SNX8: variants seen among roughly 807,000 people sequenced by gnomAD.
SNX8 encodes sorting nexin 8.
A neutral mutation model predicts 51.6 loss-of-function variants in SNX8; 25 were observed. The ratio of observed to expected loss-of-function variants is 0.48; its 90% confidence interval spans 0.35 to 0.68. SNX8 has a LOEUF of 0.68. Ranked by LOEUF, SNX8 falls within the 30% of genes least tolerant of loss-of-function variation. The pLI is 0.00. For missense variants in SNX8, 695 were observed against 624.0 expected (o/e 1.11, Z -1.21); for synonymous variants, 324 against 277.0 (o/e 1.17, Z -1.68).
At chr7:2,284,553 C>T (rs144938967) in intron 1 of SNX8, among the ~76,000 whole-genome samples, 197 of 151,916 alleles carry the variant, frequency 1.3e-3, no homozygotes, top group African/African-American at 4.3e-3. Context: ...TACAGGTGCA[C>T]ACCACCATGC....
Position 2,255,202 on chromosome 7 carries a change from G to A in SNX8, c.1285-33C>T, listed in dbSNP as rs370738423. On this transcript the variant is annotated intron_variant, in intron 10 of 10. Transcript: ENST00000222990. The stretch of plus-strand genomic sequence containing the variant: ...GGAAGCGAAGAGAACAAGATCAGCA[G>A]GCGGGGCCGGGGCTCCTCCTCACGC... 1.6e-5 allele frequency: 22 copies of A among 1,353,178 alleles called. No individual in the cohort carries two copies. The South Asian group carries it at 2.0e-4, about 12-fold the overall frequency. 83.8% of individuals were successfully genotyped at this position (1,353,178 alleles called of 1,614,324 possible).
intron 5 of SNX8, among the ~76,000 whole-genome samples, chr7:2,266,538 G>A (rs1771379226): frequency 6.6e-6 from 1 of 151,992 alleles, no homozygotes; most frequent in Non-Finnish European, 1.5e-5. Flanking sequence ...GTAGAGGCGG[G>A]GTTTCACCAT....
chr7:2,312,085 C>A (rs1796669836), intron 1 of SNX8, among the ~76,000 whole-genome samples: 1 of 152,150 alleles, frequency 6.6e-6, no homozygotes, highest in Non-Finnish European at 1.5e-5. Flanking sequence ...CTGTGAAGCA[C>A]TGCCTTGTCC....
intron 1 of SNX8, among the ~76,000 whole-genome samples, chr7:2,328,984 G>T (rs1056975277): frequency 1.3e-5 from 2 of 152,056 alleles, no homozygotes; most frequent in Non-Finnish European, 2.9e-5. Context: ...TATTCGGGAG[G>T]CTGAGGCAGG....
At chr7:2,273,683 C>T (rs1456389863) in intron 3 of SNX8, among the ~76,000 whole-genome samples, 5 of 151,438 alleles carry the variant, frequency 3.3e-5, no homozygotes, top group Non-Finnish European at 5.9e-5. Flanking sequence ...GTGCGCGGAT[C>T]ACGAGGTCAG....
intron 1 of SNX8, among the ~76,000 whole-genome samples, chr7:2,341,551 A>C (rs766988169): frequency 6.6e-6 from 1 of 152,086 alleles, no homozygotes; most frequent in Non-Finnish European, 1.5e-5. Context: ...TTACACCCAC[A>C]GTCCTAGCAC....
intron 9 of SNX8, 33 bp from the exon 10 acceptor site, chr7:2,257,056 C>A: frequency 6.4e-7 from 1 of 1,571,990 alleles, no homozygotes; most frequent in Non-Finnish European, 8.6e-7. Context: ...TCGCACCCGG[C>A]CCAGCCGGCG....
intron 1 of SNX8, among the ~76,000 whole-genome samples, chr7:2,312,937 G>A (rs772579343): frequency 4.0e-5 from 6 of 151,886 alleles, no homozygotes; most frequent in African/African-American, 1.2e-4. Flanking sequence ...TCGCTCTGTC[G>A]CCCAGGCTGG....
intron 7 of SNX8, among the ~76,000 whole-genome samples, chr7:2,258,354 G>A (rs1021770938): frequency 6.6e-6 from 1 of 152,100 alleles, no homozygotes; most frequent in Non-Finnish European, 1.5e-5. Flanking sequence ...CTGCGTTCCC[G>A]CGGGACAGCT....
intron 1 of SNX8, among the ~76,000 whole-genome samples, chr7:2,304,900 G>A (rs574770939): frequency 1.4e-4 from 21 of 152,214 alleles, no homozygotes; most frequent in Non-Finnish European, 2.5e-4. Flanking sequence ...CAGGAGCTGG[G>A]AGGTGAAATT....
In SNX8 at chr7:2,261,187, C is replaced by G. The variant is rs184881400; in HGVS notation, c.915+2043G>C. ...GAGGCTCGTGCCTGTAATCCCAGCA[C>G]TTTGGGAGGCCGAGGCTGGCGGATC... is the stretch of plus-strand genomic sequence containing the variant. On this transcript the variant is annotated intron_variant, in intron 7 of 10. Coordinates refer to ENST00000222990, the MANE Select transcript of SNX8 (RefSeq NM_013321.4). Among the ~76,000 whole-genome samples the G allele has an allele frequency of 1.3e-3, 194 of 152,362 alleles. 2 individuals are homozygous for G. The highest frequency in any genetic ancestry group is 4.5e-3 in the African/African-American group (188 of 41,574).
chr7:2,345,016 T>G (rs1449006870), intron 1 of SNX8, among the ~76,000 whole-genome samples: 1 of 152,118 alleles, frequency 6.6e-6, no homozygotes, highest in Non-Finnish European at 1.5e-5. Context: ...GGAGGGAGTG[T>G]AAATTGGTAC....
chr7:2,346,803 A>G (rs1420124402), intron 1 of SNX8, among the ~76,000 whole-genome samples: 1 of 148,436 alleles, frequency 6.7e-6, no homozygotes, highest in East Asian at 2.0e-4. Context: ...ACCTGTAGCC[A>G]CAAGTACTCA....
chr7:2,267,045 C>T (rs1054623376), intron 5 of SNX8, among the ~76,000 whole-genome samples: 2 of 152,230 alleles, frequency 1.3e-5, no homozygotes, highest in Non-Finnish European at 2.9e-5. Flanking sequence ...AGAGCTCAGC[C>T]GCAACCCGGC....
At chr7:2,329,144 A>G (rs1157614471) in intron 1 of SNX8, among the ~76,000 whole-genome samples, 1 of 145,480 alleles carries the variant, frequency 6.9e-6, no homozygotes, top group East Asian at 2.0e-4. Flanking sequence ...GGTGGCAGGC[A>G]CCTGTAATCT....
chr7:2,278,265 C>T lies in SNX8; in HGVS notation c.135G>A (p.Val45=). ...TPQAIEPQAI[V]QQVPAPSRMQ... ...TTCGACTGGGGGCTGGGACCTGCTGCACGATGGCCTGGGGCTCGATGGCCT... is the reference window on the plus strand; with the variant it reads ...TTCGACTGGGGGCTGGGACCTGCTGTACGATGGCCTGGGGCTCGATGGCCT... Residue 45 remains valine, a synonymous_variant, in exon 2 of 11, where the codon GTG becomes GTA. Coordinates refer to ENST00000222990, the MANE Select transcript of SNX8 (RefSeq NM_013321.4). The T allele has an allele frequency of 6.2e-7, 1 of 1,602,330 alleles. No homozygotes were observed. Among genetic ancestry groups the T allele is most frequent in the Non-Finnish European group, 8.5e-7 (1 of 1,171,546 alleles).
At chr7:2,353,560 G>A (rs965698465) in intron 1 of SNX8, among the ~76,000 whole-genome samples, 2 of 152,050 alleles carry the variant, frequency 1.3e-5, no homozygotes, top group South Asian at 4.1e-4. Context: ...GGGAAGAGAG[G>A]TGTGAGCCAC....
intron 1 of SNX8, among the ~76,000 whole-genome samples, chr7:2,338,896 G>C (rs180976151): frequency 1.3e-5 from 2 of 152,044 alleles, no homozygotes; most frequent in East Asian, 3.9e-4. Flanking sequence ...GGGCAACATA[G>C]CAAGACCTTG....
At chr7:2,306,086 A>T (rs1414872111) in intron 1 of SNX8, among the ~76,000 whole-genome samples, 1 of 152,112 alleles carries the variant, frequency 6.6e-6, no homozygotes, top group African/African-American at 2.4e-5. Context: ...AGGGTCTCCC[A>T]AAGCATTGGG....
Sources: allele counts gnomAD v4.1 joint callset (sites outside exome capture counted in the v4.1 genomes callset), GRCh38; gene constraint gnomAD v4.1.1; transcripts MANE v1.5; gene names NCBI Gene and HGNC (gene_info 2026-07-23, HGNC 2026-07-21).